The following IRAG1 variants were observed in gnomAD, a reference collection of about 807,000 sequenced individuals.
The protein encoded by IRAG1 is inositol 1,4,5-triphosphate receptor associated 1, also known as IP3R-associated cGMP kinase substrate.
In IRAG1, 62 loss-of-function variants were observed where a neutral mutation model predicts 106.2. The observed-to-expected ratio is 0.58, with a 90% CI of 0.48 to 0.72. The LOEUF (loss-of-function observed/expected upper bound fraction) is 0.72, where lower values mean the gene tolerates loss of function less well. Ranked by LOEUF, IRAG1 falls within the 30% of genes least tolerant of loss-of-function variation. The probability of loss-of-function intolerance (pLI) is 0.00; values close to 1 mark genes in which losing one functional copy is unlikely to be tolerated. For synonymous variants in IRAG1, 462 were observed against 443.9 expected (o/e 1.04, Z -0.51); for missense variants, 1,064 against 1,140.7 (o/e 0.93, Z 0.97).
At chr11:10,604,059 G>T (rs945344195) in intron 13 of IRAG1, among the ~76,000 whole-genome samples, 1 of 152,240 alleles carries the variant, frequency 6.6e-6, no homozygotes, top group Non-Finnish European at 1.5e-5. Context: ...GCTGAGAGAA[G>T]TGGCCTCTGC....
rs574921724 is a variant in IRAG1, at chr11:10,687,185, G to A, written c.67+6351C>T. ...CTCGGCCCTGCCTGTCTCTCACTAGGGCAGGACACAAGTCTTGCCAGGTGC... is the reference window on the plus strand; with the variant it reads ...CTCGGCCCTGCCTGTCTCTCACTAGAGCAGGACACAAGTCTTGCCAGGTGC... On this transcript the variant is annotated intron_variant, in intron 1 of 20. Coordinates refer to ENST00000423302, the MANE Select transcript of IRAG1 (RefSeq NM_130385.4). 7.9e-5 allele frequency among the ~76,000 whole-genome samples: 12 copies of A among 152,198 alleles called. No individual in the cohort carries two copies. In the South Asian group the frequency reaches 2.5e-3, roughly 32 times the overall value.
intron 14 of IRAG1, 132 bp downstream of exon 14, chr11:10,602,988 T>A: frequency 9.9e-7 from 1 of 1,005,322 alleles, no homozygotes; most frequent in Non-Finnish European, 1.4e-6. Context: ...AATACTGCAA[T>A]GATGTGCATA....
At chr11:10,692,729 G>A (rs1035214415) in intron 1 of IRAG1, among the ~76,000 whole-genome samples, 6 of 152,224 alleles carry the variant, frequency 3.9e-5, no homozygotes, top group East Asian at 1.9e-4. Flanking sequence ...CCCAGACCCC[G>A]GGCTGCTGTT....
chr11:10,623,645 G>A lies in IRAG1; in HGVS notation c.1447+133C>T, dbSNP rs567630070. On this transcript the variant is annotated intron_variant, in intron 10 of 20. Transcript: ENST00000423302. ...TGCTGAGCGGGCAGAAGACACAATC[G>A]GATTCATTCATTCACCAGCAAATGT... 4.7e-4 allele frequency: 396 copies of A among 833,958 alleles called. No individual in the cohort carries two copies. In the Middle Eastern group the frequency reaches 4.9e-3, roughly 10 times the overall value. The allele number at this position is 833,958 out of a possible 1,614,324, so 51.7% of individuals were successfully genotyped here.
At chr11:10,689,848 T>A (rs1013457909) in intron 1 of IRAG1, among the ~76,000 whole-genome samples, 15 of 152,206 alleles carry the variant, frequency 9.9e-5, no homozygotes, top group African/African-American at 3.6e-4. Context: ...ATATAAACAA[T>A]ACTTATCACT....
chr11:10,669,734 C>G (rs1387683654), intron 1 of IRAG1, among the ~76,000 whole-genome samples: 5 of 152,154 alleles, frequency 3.3e-5, no homozygotes, highest in Non-Finnish European at 1.5e-5. Context: ...TAGTTCCCCC[C>G]CTTACCCTTC....
chr11:10,674,296 T>C (rs1860476055), intron 1 of IRAG1, among the ~76,000 whole-genome samples: 2 of 152,308 alleles, frequency 1.3e-5, no homozygotes, highest in South Asian at 4.1e-4. Flanking sequence ...GTCCCAAAGG[T>C]AGACTCATTT....
chr11:10,593,148 C>T (rs1852870114), intron 17 of IRAG1: 1 of 181,582 alleles, frequency 5.5e-6, no homozygotes, highest in South Asian at 1.0e-4. Flanking sequence ...TGTTCTACCA[C>T]CTATCACACA....
At chr11:10,625,021 A>G (rs1442831162) in intron 9 of IRAG1, among the ~76,000 whole-genome samples, 1 of 152,158 alleles carries the variant, frequency 6.6e-6, no homozygotes, top group African/African-American at 2.4e-5. Context: ...TGTGTGTAAA[A>G]TGTTAACATC....
intron 11 of IRAG1, among the ~76,000 whole-genome samples, chr11:10,607,660 GC>G (rs11299668): frequency 0.38 from 57,106 of 152,004 alleles, 11,394 homozygotes; most frequent in East Asian, 0.69. Flanking sequence ...TGGCAACAGA[GC>G]ATGCCATCAA....
At position 10,628,239 on chromosome 11, in the gene IRAG1, C is replaced by G. The variant is rs1343721995; in HGVS notation, c.653-214G>C. 2.9e-6 allele frequency: 2 copies of G among 679,626 alleles called. No homozygotes were observed. The highest frequency in any genetic ancestry group is 3.5e-5 in the African/African-American group (2 of 56,862). 42.1% of individuals were successfully genotyped at this position (679,626 alleles called of 1,614,324 possible). On this transcript the variant is annotated intron_variant, in intron 6 of 20. Coordinates refer to ENST00000423302, the MANE Select transcript of IRAG1 (RefSeq NM_130385.4). The surrounding 1 kb of genome is among the most constrained non-coding windows in gnomAD (Gnocchi z 4.1). Reference sequence around the variant, plus strand: ...AACTGAGGCACAGGGAAATCAAAGTCTCATGGCCAGGAAATGTCAGCACTG... The same window carrying G: ...AACTGAGGCACAGGGAAATCAAAGTGTCATGGCCAGGAAATGTCAGCACTG...
intron 18 of IRAG1, among the ~76,000 whole-genome samples, chr11:10,588,038 C>T (rs1852215585): frequency 6.6e-6 from 1 of 152,208 alleles, no homozygotes; most frequent in Non-Finnish European, 1.5e-5. Flanking sequence ...ATTAGCAAAG[C>T]ACTTGGCATA....
In IRAG1 at chr11:10,634,091, A is replaced by G. The variant is rs928893250; in HGVS notation, c.226-20T>C. ...AGGACCCTGCCGGTTTAGAACAAAA[A>G]CACAGAGTTAGGCTTGGGCTGGTGG... On this transcript the variant is annotated intron_variant, in intron 2 of 20. Transcript: ENST00000423302. The G allele has an allele frequency of 6.5e-7, 1 of 1,530,604 alleles. No individual in the cohort carries two copies. Among genetic ancestry groups the G allele is most frequent in the Admixed American group, 1.8e-5 (1 of 55,968 alleles). The allele number at this position is 1,530,604 out of a possible 1,614,324, so 94.8% of individuals were successfully genotyped here. A position where few individuals can be genotyped will look rare whatever the true frequency, so the allele number is the denominator to read the frequency against.
chr11:10,591,399 CTT>C, intron 18 of IRAG1, 147 bp downstream of exon 18: 14 of 751,066 alleles, frequency 1.9e-5, no homozygotes, highest in Non-Finnish European at 2.9e-5. Flanking sequence ...GTTCTGAAAT[CTT>C]TGTGGGTTTC....
intron 1 of IRAG1, among the ~76,000 whole-genome samples, chr11:10,689,344 A>G (rs1168794061): frequency 6.6e-6 from 1 of 152,230 alleles, no homozygotes; most frequent in Admixed American, 6.5e-5. Flanking sequence ...GACCCTGGAC[A>G]GTCGGTCAAC....
At chr11:10,692,914 G>A (rs1249109886) in intron 1 of IRAG1, among the ~76,000 whole-genome samples, 5 of 152,198 alleles carry the variant, frequency 3.3e-5, no homozygotes, top group Admixed American at 2.0e-4. Context: ...GAGGTGAGCA[G>A]GGCCGGGCAC....
At chr11:10,668,015 AC>A (rs1335513059) in intron 1 of IRAG1, among the ~76,000 whole-genome samples, 2 of 152,104 alleles carry the variant, frequency 1.3e-5, no homozygotes, top group South Asian at 4.1e-4. Flanking sequence ...GGTATCCTGC[AC>A]CCCAGCCTCA....
chr11:10,688,590 C>T (rs1207088661), intron 1 of IRAG1, among the ~76,000 whole-genome samples: 2 of 151,958 alleles, frequency 1.3e-5, no homozygotes, highest in Non-Finnish European at 2.9e-5. Context: ...TAGTCTCATC[C>T]CTCTCAGCCT....
chr11:10,594,026 A>G (rs1036107078), intron 16 of IRAG1, 120 bp downstream of exon 16: 7 of 969,740 alleles, frequency 7.2e-6, no homozygotes, highest in Non-Finnish European at 1.1e-5. Flanking sequence ...AGCCGAATAG[A>G]AACTCTGTTC....
Sources: allele counts gnomAD v4.1 joint callset (sites outside exome capture counted in the v4.1 genomes callset), GRCh38; gene constraint gnomAD v4.1.1; non-coding constraint Gnocchi (gnomAD v3.1); transcripts MANE v1.5; gene names NCBI Gene and HGNC (gene_info 2026-07-23, HGNC 2026-07-21).